The following ZBTB49 variants were observed in gnomAD, a reference collection of about 807,000 sequenced individuals.
ZBTB49 encodes the protein zinc finger and BTB domain-containing protein 49.
In ZBTB49, 43 loss-of-function variants were observed where a neutral mutation model predicts 57.5. The observed-to-expected ratio is 0.75, with a 90% CI of 0.59 to 0.97. The LOEUF is 0.97. Among genes scored for constraint, ZBTB49 ranks in the 50% least tolerant of loss-of-function variants. The pLI is 0.00. For synonymous variants in ZBTB49, 369 were observed against 362.1 expected, an observed-to-expected ratio of 1.02 and a Z score of -0.22; for missense variants, 938 against 947.7, an observed-to-expected ratio of 0.99 and a Z score of 0.13.
In ZBTB49 at chr4:4,320,635, T is replaced by C; in HGVS notation, c.1622-5T>C. ...GTAAATAAATAACTGTTTTTCTTTT[T>C]CCAGGGAAATGTTTTGGGGGATCAG... On this transcript the variant is annotated splice_region_variant and splice_polypyrimidine_tract_variant and intron_variant, in intron 7 of 7. Coordinates refer to ENST00000337872, the MANE Select transcript of ZBTB49 (RefSeq NM_145291.4). 1 of 1,613,462 alleles carries C rather than the reference T, an allele frequency of 6.2e-7. No individual in the cohort carries two copies.
chr4:4,293,066 C>A (rs573905052), intron 1 of ZBTB49, among the ~76,000 whole-genome samples: 1 of 152,268 alleles, frequency 6.6e-6, no homozygotes, highest in East Asian at 1.9e-4. Context: ...ATCATCTAGT[C>A]CAATAGGGGA....
At position 4,318,775 on chromosome 4, in the gene ZBTB49, C is replaced by G. The variant is rs572683874; in HGVS notation, c.1622-1865C>G. ...CACAGAAACTAAATATGCTTTCACT[C>G]TAGTGTTCTGTGAAGGAGCCTGAGC... On this transcript the variant is annotated intron_variant, in intron 7 of 7. Transcript: ENST00000337872. Among the ~76,000 whole-genome samples, 3 of 152,166 alleles carry G rather than the reference C, an allele frequency of 2.0e-5. No homozygotes were observed. The South Asian group carries it at 6.2e-4, about 32-fold the overall frequency.
rs757623251 is a variant in ZBTB49, at chr4:4,321,520, C to T, written c.*204C>T. On this transcript the variant is annotated 3_prime_UTR_variant, in exon 8 of 8. Coordinates refer to ENST00000337872, the MANE Select transcript of ZBTB49 (RefSeq NM_145291.4). ...GCCTGCTGGCTCACCGTGAGGCAGC[C>T]GCGGGAGGGAGCGCTGACGTCACAG... The T allele has an allele frequency of 1.1e-5, 7 of 609,188 alleles. No individual in the cohort carries two copies. The highest frequency in any genetic ancestry group is 6.4e-5 in the South Asian group (3 of 46,978). 37.7% of individuals were successfully genotyped at this position (609,188 alleles called of 1,614,324 possible).
Position 4,321,163 on chromosome 4 carries a change from T to G in ZBTB49, c.2145T>G (p.Ser715=). ...QADGMAMIRS[S]LAALDNHGGD... The stretch of plus-strand genomic sequence containing the variant: ...ATGGCATGGCCATGATCCGTTCCTC[T>G]CTGGCTGCTTTGGACAACCACGGCG... The change falls in exon 8 of 8, where the codon TCT becomes TCG. Residue 715 remains serine, a synonymous_variant. Coordinates refer to ENST00000337872, the MANE Select transcript of ZBTB49 (RefSeq NM_145291.4). 1 of 1,614,182 alleles carries G rather than the reference T, an allele frequency of 6.2e-7. No homozygotes were observed. The highest frequency in any genetic ancestry group is 8.5e-7 in the Non-Finnish European group (1 of 1,180,030).
Position 4,320,914 on chromosome 4 carries a change from C to G in ZBTB49, c.1896C>G (p.Leu632=), listed in dbSNP as rs889605057. 6.2e-7 allele frequency: 1 copy of G among 1,614,204 alleles called. No homozygotes were observed. Among genetic ancestry groups the G allele is most frequent in the East Asian group, 2.2e-5 (1 of 44,878 alleles). ...SVTLMPVSVK[L]PVHPVENSVA... ...CGCTGATGCCAGTGTCGGTTAAACT[C>G]CCTGTCCACCCAGTGGAAAATTCTG... Residue 632 remains leucine, a synonymous_variant, in exon 8 of 8, where the codon CTC becomes CTG. Coordinates refer to ENST00000337872, the MANE Select transcript of ZBTB49 (RefSeq NM_145291.4).
At position 4,321,023 on chromosome 4, in the gene ZBTB49, A is replaced by T; in HGVS notation, c.2005A>T (p.Lys669Ter). Residue 669 changes from lysine to a stop codon, truncating the protein, a stop_gained, in exon 8 of 8, where the codon AAG becomes TAG. Coordinates refer to ENST00000337872, the MANE Select transcript of ZBTB49 (RefSeq NM_145291.4). LOFTEE classifies it low-confidence loss of function (END_TRUNC). ...IQPHGVSDQE[K>*]LSLDPGKLAK... ...ACCTCATGGAGTTAGTGACCAGGAG[A>T]AGCTGAGTTTGGATCCTGGTAAACT... 2 of 1,614,112 alleles carry T rather than the reference A, an allele frequency of 1.2e-6. No individual in the cohort carries two copies. Among genetic ancestry groups the T allele is most frequent in the Non-Finnish European group, 8.5e-7 (1 of 1,180,028 alleles).
intron 3 of ZBTB49, among the ~76,000 whole-genome samples, chr4:4,304,863 ACT>A (rs1720669642): frequency 6.6e-6 from 1 of 152,074 alleles, no homozygotes; most frequent in Admixed American, 6.5e-5. Context: ...TCTAAAGGTC[ACT>A]CTGTTTTCAT....
intron 4 of ZBTB49, among the ~76,000 whole-genome samples, chr4:4,306,411 CT>C (rs1455318043): frequency 5.3e-5 from 8 of 152,106 alleles, no homozygotes; most frequent in Non-Finnish European, 8.8e-5. Context: ...CTTTTTTCGC[CT>C]TGCTAAGGAT....
chr4:4,302,922 C>G lies in ZBTB49; in HGVS notation c.1086C>G (p.Val362=). The G allele has an allele frequency of 6.2e-7, 1 of 1,614,186 alleles. No homozygotes were observed. Among genetic ancestry groups the G allele is most frequent in the Non-Finnish European group, 8.5e-7 (1 of 1,180,034 alleles). ...SAEEKESEEV[V]SCENFNCISE... is the part of the protein sequence containing the mutation. The stretch of plus-strand genomic sequence containing the variant: ...AAGAAAAAGAAAGTGAAGAAGTCGT[C>G]AGTTGTGAGAATTTTAATTGCATTA... Residue 362 remains valine (V), a synonymous_variant, in exon 3 of 8, where the codon GTC becomes GTG. Transcript: ENST00000337872.
chr4:4,321,395 C>A lies in ZBTB49; in HGVS notation c.*79C>A. 6.9e-7 allele frequency: 1 copy of A among 1,447,336 alleles called. No homozygotes were observed. The highest frequency in any genetic ancestry group is 9.4e-7 in the Non-Finnish European group (1 of 1,061,624). The allele number at this position is 1,447,336 out of a possible 1,614,324, so 89.7% of individuals were successfully genotyped here. On this transcript the variant is annotated 3_prime_UTR_variant, in exon 8 of 8. Coordinates refer to ENST00000337872, the MANE Select transcript of ZBTB49 (RefSeq NM_145291.4). ...TAAGGCTGTAGGAGGACCCAGTTTCCCCATGACAGTGCCTTCTAACTAGCC... is the reference window on the plus strand; with the variant it reads ...TAAGGCTGTAGGAGGACCCAGTTTCACCATGACAGTGCCTTCTAACTAGCC...
intron 5 of ZBTB49, among the ~76,000 whole-genome samples, chr4:4,315,125 A>G (rs961013804): frequency 1.3e-5 from 2 of 152,144 alleles, no homozygotes; most frequent in African/African-American, 2.4e-5. Flanking sequence ...TTTGCATTTT[A>G]CTTTATAGTG....
chr4:4,294,872 CGT>C (rs10626183), intron 1 of ZBTB49, among the ~76,000 whole-genome samples: 7,778 of 137,926 alleles, frequency 0.056, 231 homozygotes, highest in East Asian at 0.11. Context: ...AGGAGGGTTT[CGT>C]GTGTGTGTGT....
Position 4,321,658 on chromosome 4 carries a change from A to G in ZBTB49, c.*342A>G. The stretch of plus-strand genomic sequence containing the variant: ...GTGAAAGGAATTATATATGTATAGT[A>G]TTACAAGTATTTTTGCATTTTTACA... On this transcript the variant is annotated 3_prime_UTR_variant, in exon 8 of 8. Coordinates refer to ENST00000337872, the MANE Select transcript of ZBTB49 (RefSeq NM_145291.4). 4.2e-6 allele frequency: 1 copy of G among 235,802 alleles called. No homozygotes were observed. Among genetic ancestry groups the G allele is most frequent in the South Asian group, 9.3e-5 (1 of 10,804 alleles). 14.6% of individuals were successfully genotyped at this position (235,802 alleles called of 1,614,324 possible).
At chr4:4,312,456 A>G (rs761250889) in intron 4 of ZBTB49, among the ~76,000 whole-genome samples, 7 of 152,140 alleles carry the variant, frequency 4.6e-5, no homozygotes, top group Non-Finnish European at 8.8e-5. Flanking sequence ...TAGGAACACA[A>G]TGGCCCTGCA....
At position 4,306,168 on chromosome 4, in the gene ZBTB49, G is replaced by A; in HGVS notation, c.1286G>A (p.Gly429Glu). 2 of 1,612,926 alleles carry A rather than the reference G, an allele frequency of 1.2e-6. No homozygotes were observed. The highest frequency in any genetic ancestry group is 1.7e-6 in the Non-Finnish European group (2 of 1,179,560). ...AAACCTTTTGAATGTAACATTTGTG[G>A]GAAACATTTCTCTCAGGTGGGAATA... The part of the protein sequence containing the change: ...GEKPFECNIC[G>E]KHFSQAGNLQ... The change falls in exon 4 of 8, where the codon GGG (glycine) becomes GAG (glutamate). Residue 429 changes from glycine (G) to glutamate (E), a missense_variant. This residue lies in a region of ZBTB49 where 835 missense variants were observed against 819.1 expected (regional missense o/e 1.02). Coordinates refer to ENST00000337872, the MANE Select transcript of ZBTB49 (RefSeq NM_145291.4).
At chr4:4,303,161 CT>C in intron 3 of ZBTB49, 70 bp downstream of exon 3, 7 of 1,436,282 alleles carry the variant, frequency 4.9e-6, no homozygotes, top group Non-Finnish European at 6.4e-6. Context: ...ACTGGCTCTT[CT>C]TGTTTTTGTA....
At chr4:4,309,081 G>T (rs997967159) in intron 4 of ZBTB49, among the ~76,000 whole-genome samples, 1 of 152,232 alleles carries the variant, frequency 6.6e-6, no homozygotes, top group Admixed American at 6.5e-5. Flanking sequence ...ATAAATGTTT[G>T]TGGTTACATG....
Position 4,301,395 on chromosome 4 carries a change from C to G in ZBTB49, c.153-594C>G, listed in dbSNP as rs552032466. 5.3e-5 allele frequency among the ~76,000 whole-genome samples: 8 copies of G among 152,290 alleles called. No individual in the cohort carries two copies. In the South Asian group the frequency reaches 1.4e-3, roughly 28 times the overall value. On this transcript the variant is annotated intron_variant, in intron 2 of 7. Coordinates refer to ENST00000337872, the MANE Select transcript of ZBTB49 (RefSeq NM_145291.4). The stretch of plus-strand genomic sequence containing the variant: ...ACCACTGGCTGGCTGAAAAACCTAA[C>G]AGCCAAATAAATTACTGGTTACAAA...
rs1162147137 is a variant in ZBTB49, at chr4:4,302,105, A to G, written c.269A>G (p.Asn90Ser). 1 of 1,614,248 alleles carries G rather than the reference A, an allele frequency of 6.2e-7. No individual in the cohort carries two copies. Among genetic ancestry groups the G allele is most frequent in the African/African-American group, 1.3e-5 (1 of 75,074 alleles). ...ATGTACACTTCTCATCTAGATCTTA[A>G]CCAGGACAATATACAAGTAATGCTG... ...DFMYTSHLDL[N>S]QDNIQVMLDT... The change falls in exon 3 of 8, where the codon AAC becomes AGC. Residue 90 changes from asparagine (N) to serine (S), a missense_variant. Asn to Ser is a conservative substitution (Grantham distance 46). Around this residue, in one of 3 missense-constraint regions of ZBTB49, gnomAD observed 100 missense variants for 112.5 expected, o/e 0.89. Transcript: ENST00000337872.
Sources: gnomAD v4.1 joint callset for allele counts (sites outside exome capture counted in the v4.1 genomes callset) on GRCh38, gnomAD v4.1.1 for gene constraint, gnomAD v4.1.1 regional missense constraint, MANE v1.5 for transcripts, NCBI Gene and HGNC (gene_info 2026-07-23, HGNC 2026-07-21) for gene names.